C7orf78: variants seen among roughly 807,000 people sequenced by gnomAD.
C7orf78 encodes chromosome 7 open reading frame 78.
the C7orf78 span, among the ~76,000 whole-genome samples, chr7:12,509,718 G>A: frequency 3.9e-5 from 6 of 152,170 alleles, no homozygotes; most frequent in Non-Finnish European, 8.8e-5. Context: ...AGAACATGCA[G>A]TGTTTGCCTT....
the C7orf78 span, among the ~76,000 whole-genome samples, chr7:12,536,713 G>T: frequency 1.3e-5 from 2 of 152,096 alleles, no homozygotes; most frequent in Non-Finnish European, 2.9e-5. Context: ...CAGCACCCAA[G>T]TCACGTCTTA....
the C7orf78 span, chr7:12,504,388 C>T: frequency 2.0e-5 from 3 of 152,106 alleles, no homozygotes; most frequent in Non-Finnish European, 2.9e-5. Flanking sequence ...AAAATTAATT[C>T]GGTTTCTTAG....
chr7:12,518,531 C>T, the C7orf78 span, among the ~76,000 whole-genome samples: 8 of 152,096 alleles, frequency 5.3e-5, no homozygotes, highest in African/African-American at 7.2e-5. Flanking sequence ...GACCCCTCCC[C>T]GAGCTCCTAG....
chr7:12,522,874 T>G, the C7orf78 span: 21,394 of 396,474 alleles, frequency 0.054, 719 homozygotes, highest in African/African-American at 0.12. Context: ...TTTTCCTGCT[T>G]CATAAATTTT....
At chr7:12,491,389 TG>T in the C7orf78 span, 1 of 152,182 alleles carries the variant, frequency 6.6e-6, no homozygotes, top group Non-Finnish European at 1.5e-5. Context: ...TATCAGCCTA[TG>T]GTTTGCCACT....
At chr7:12,497,823 T>A in the C7orf78 span, among the ~76,000 whole-genome samples, 2 of 150,458 alleles carry the variant, frequency 1.3e-5, no homozygotes, top group Non-Finnish European at 2.9e-5. Context: ...TCTGCAGACT[T>A]AAATGCCCCT....
chr7:12,495,365 C>T, the C7orf78 span, among the ~76,000 whole-genome samples: 1 of 152,212 alleles, frequency 6.6e-6, no homozygotes. Flanking sequence ...AAGCACCTCA[C>T]CTTCCCAATA....
the C7orf78 span, among the ~76,000 whole-genome samples, chr7:12,508,637 G>A: frequency 1.1e-4 from 16 of 152,234 alleles, no homozygotes; most frequent in East Asian, 1.7e-3. Context: ...AAATTTAAGG[G>A]TACGTTAACT....
chr7:12,531,324 C>G, the C7orf78 span, among the ~76,000 whole-genome samples: 90,322 of 152,012 alleles, frequency 0.59, 27,618 homozygotes, highest in African/African-American at 0.74. Context: ...CTGTTTCCTA[C>G]GTGCATAATC....
the C7orf78 span, among the ~76,000 whole-genome samples, chr7:12,511,910 C>A: frequency 6.8e-6 from 1 of 146,162 alleles, no homozygotes; most frequent in Non-Finnish European, 1.5e-5. Context: ...CACCACCACA[C>A]CTGGCTAATT....
chr7:12,513,764 G>A, the C7orf78 span, among the ~76,000 whole-genome samples: 1 of 151,610 alleles, frequency 6.6e-6, no homozygotes, highest in African/African-American at 2.4e-5. Flanking sequence ...ACTTTGGGAG[G>A]CCGAGGCGGG....
the C7orf78 span, among the ~76,000 whole-genome samples, chr7:12,519,676 G>A: frequency 6.6e-6 from 1 of 152,198 alleles, no homozygotes; most frequent in African/African-American, 2.4e-5. Flanking sequence ...CTTCCTTTGT[G>A]CCCAGTGGCC....
chr7:12,499,351 C>G, the C7orf78 span, among the ~76,000 whole-genome samples: 1 of 151,910 alleles, frequency 6.6e-6, no homozygotes, highest in Non-Finnish European at 1.5e-5. Flanking sequence ...CGTGCAGAGA[C>G]ACACATAGGC....
chr7:12,489,190 C>G, the C7orf78 span, among the ~76,000 whole-genome samples: 1 of 151,892 alleles, frequency 6.6e-6, no homozygotes, highest in Non-Finnish European at 1.5e-5. Flanking sequence ...AAAGATTACC[C>G]CAATAGTCAG....
the C7orf78 span, among the ~76,000 whole-genome samples, chr7:12,514,248 C>T: frequency 6.6e-6 from 1 of 152,014 alleles, no homozygotes; most frequent in African/African-American, 2.4e-5. Context: ...TGCACATATA[C>T]CTAGAATTGT....
chr7:12,533,568 G>C, the C7orf78 span, among the ~76,000 whole-genome samples: 48 of 145,408 alleles, frequency 3.3e-4, no homozygotes, highest in Non-Finnish European at 4.2e-4. Context: ...TCAGGCTGGA[G>C]TGCAGTGGTA....
chr7:12,539,622 C>T, the C7orf78 span, among the ~76,000 whole-genome samples: 1 of 152,186 alleles, frequency 6.6e-6, no homozygotes, highest in Non-Finnish European at 1.5e-5. Context: ...GTTACCAAAA[C>T]ACCAGGGGTT....
chr7:12,520,300 C>G, the C7orf78 span, among the ~76,000 whole-genome samples: 1 of 152,168 alleles, frequency 6.6e-6, no homozygotes, highest in African/African-American at 2.4e-5. Context: ...GGCAAGTGCC[C>G]GATGCCTCTA....
At chr7:12,507,217 G>A in the C7orf78 span, 1 of 172,108 alleles carries the variant, frequency 5.8e-6, no homozygotes, top group Non-Finnish European at 1.1e-5. Context: ...TGAGGCAGGA[G>A]AAATCACTTG....
Sources: gnomAD v4.1 joint callset for allele counts (sites outside exome capture counted in the v4.1 genomes callset) on GRCh38, gnomAD v4.1.1 for gene constraint, MANE v1.5 for transcripts, NCBI Gene and HGNC (gene_info 2026-07-23, HGNC 2026-07-21) for gene names.